The following SEMA7A variants were observed in gnomAD, a reference collection of about 807,000 sequenced individuals.
SEMA7A encodes the protein semaphorin-7A.
In SEMA7A, 21 loss-of-function variants were observed where a neutral mutation model predicts 67.5. The observed-to-expected ratio is 0.31, with a 90% CI of 0.22 to 0.45. The LOEUF is 0.45. Ranked by LOEUF, SEMA7A falls within the 20% of genes least tolerant of loss-of-function variation. The probability of loss-of-function intolerance (pLI) is 1.00; values close to 1 mark genes in which losing one functional copy is unlikely to be tolerated. For synonymous variants in SEMA7A, 364 were observed against 368.5 expected (o/e 0.99, Z 0.14); for missense variants, 774 against 908.6 (o/e 0.85, Z 1.90).
chr15:74,416,851 C>T lies in SEMA7A; in HGVS notation c.662-137G>A, dbSNP rs540302145. On this transcript the variant is annotated intron_variant, in intron 6 of 13. Transcript: ENST00000261918. The stretch of plus-strand genomic sequence containing the variant: ...AGATCTGGAATAGGACTCAGAACAT[C>T]AGGTCCAACTCCCCGAGGGGCCCTA... The T allele has an allele frequency of 4.2e-6, 4 of 945,726 alleles. No homozygotes were observed. The South Asian group carries it at 4.8e-5, about 11-fold the overall frequency. The allele number at this position is 945,726 out of a possible 1,614,324, so 58.6% of individuals were successfully genotyped here. A position where few individuals can be genotyped will look rare whatever the true frequency, so the allele number is the denominator to read the frequency against.
chr15:74,410,913 C>A lies in SEMA7A; in HGVS notation c.1712G>T (p.Arg571Leu), dbSNP rs1398609267. 1 of 1,614,090 alleles carries A rather than the reference C, an allele frequency of 6.2e-7. No individual in the cohort carries two copies. The highest frequency in any genetic ancestry group is 1.1e-5 in the South Asian group (1 of 91,070). The stretch of plus-strand genomic sequence containing the variant: ...GTGGCGCCATGAGTAGGTGGCGTGG[C>A]GGGATTCCATGGGGCAGCTCAGGTA... ...RYYLSCPMES[R>L]HATYSWRHKE... Residue 571 changes from arginine (R) to leucine (L), a missense_variant, in exon 14 of 14, where the codon CGC becomes CTC. By Grantham distance (102) the Arg-to-Leu change is moderately radical. Around this residue, in one of 2 missense-constraint regions of SEMA7A, gnomAD observed 427 missense variants for 555.4 expected, o/e 0.77. Coordinates refer to ENST00000261918, the MANE Select transcript of SEMA7A (RefSeq NM_003612.5). This position sits in a 1 kb window ranked among gnomAD's most constrained non-coding sequence, Gnocchi z 7.5.
intron 1 of SEMA7A, among the ~76,000 whole-genome samples, chr15:74,428,848 C>T (rs1299958033): frequency 1.3e-5 from 2 of 152,178 alleles, no homozygotes; most frequent in Non-Finnish European, 2.9e-5. Flanking sequence ...CCATACCATT[C>T]GGGGCAGAGA....
chr15:74,418,999 G>T, intron 1 of SEMA7A, 47 bp from the exon 2 acceptor site: 2 of 1,593,888 alleles, frequency 1.3e-6, no homozygotes, highest in South Asian at 1.1e-5. Context: ...GGTCCCGAGA[G>T]AGAAGACTCT....
In SEMA7A at chr15:74,416,660, T is replaced by C; in HGVS notation, c.716A>G (p.Lys239Arg). The C allele has an allele frequency of 3.1e-6, 5 of 1,614,096 alleles. No individual in the cohort carries two copies. Among genetic ancestry groups the C allele is most frequent in the Non-Finnish European group, 4.2e-6 (5 of 1,179,974 alleles). ...GTCCTCTCGGAAGAAGTAGTAGATC[T>C]TGTCATCGTAAGCCTGGTCTTGGTG... The part of the protein sequence containing the change: ...IVHQDQAYDD[K>R]IYYFFREDNP... The change falls in exon 7 of 14, where the codon AAG becomes AGG. Residue 239 changes from lysine to arginine, a missense_variant. By Grantham distance (26) the Lys-to-Arg change is conservative. This residue lies in a region of SEMA7A where 347 missense variants were observed against 353.2 expected (regional missense o/e 0.98). Transcript: ENST00000261918.
intron 8 of SEMA7A, among the ~76,000 whole-genome samples, 165 bp downstream of exon 8, chr15:74,415,636 G>A (rs141192912): frequency 3.7e-4 from 56 of 152,134 alleles, no homozygotes; most frequent in African/African-American, 5.1e-4. Context: ...TACATACATC[G>A]CACTGGCTGT....
intron 3 of SEMA7A, 76 bp downstream of exon 3, chr15:74,418,192 C>A: frequency 6.8e-7 from 1 of 1,463,416 alleles, no homozygotes; most frequent in African/African-American, 1.4e-5. Context: ...GGCCATGCTT[C>A]CTTCCTTAGA....
At chr15:74,412,457 G>GA (rs1438208899) in intron 10 of SEMA7A, among the ~76,000 whole-genome samples, 1 of 152,206 alleles carries the variant, frequency 6.6e-6, no homozygotes, top group African/African-American at 2.4e-5. Context: ...GAGCAGCAGA[G>GA]ACCGAGTTGG....
At chr15:74,419,424 A>ACC (rs1215681328) in intron 1 of SEMA7A, among the ~76,000 whole-genome samples, 2 of 151,674 alleles carry the variant, frequency 1.3e-5, no homozygotes, top group South Asian at 2.1e-4. Flanking sequence ...GCCTTCAAGC[A>ACC]CCCCCCTTGG....
At chr15:74,413,129 T>C (rs1902443181) in intron 10 of SEMA7A, among the ~76,000 whole-genome samples, 1 of 151,514 alleles carries the variant, frequency 6.6e-6, no homozygotes, top group Admixed American at 6.6e-5. Flanking sequence ...GATCCTCATC[T>C]GTGGACTCTG....
intron 1 of SEMA7A, among the ~76,000 whole-genome samples, chr15:74,420,852 G>A (rs1379644817): frequency 2.6e-5 from 4 of 152,208 alleles, no homozygotes; most frequent in Non-Finnish European, 4.4e-5. Context: ...TGGCAGCCAG[G>A]AAAAGGTGCG....
intron 10 of SEMA7A, among the ~76,000 whole-genome samples, chr15:74,413,981 C>T (rs1372037227): frequency 6.6e-6 from 1 of 152,192 alleles, no homozygotes; most frequent in African/African-American, 2.4e-5. Flanking sequence ...CACGGCATTC[C>T]ACCCAGCTTC....
intron 8 of SEMA7A, 88 bp downstream of exon 8, chr15:74,415,713 G>C: frequency 2.3e-6 from 3 of 1,319,264 alleles, no homozygotes; most frequent in Non-Finnish European, 1.0e-6. Flanking sequence ...TGCCACACCA[G>C]GGAGGCCCTC....
In SEMA7A at chr15:74,414,356, C is replaced by T. The variant is rs911480310; in HGVS notation, c.1294+191G>A. 1.6e-4 allele frequency among the ~76,000 whole-genome samples: 25 copies of T among 152,212 alleles called. No individual in the cohort carries two copies. Among genetic ancestry groups the T allele is most frequent in the African/African-American group, 6.0e-4 (25 of 41,452 alleles). Reference sequence around the variant, plus strand: ...TTCTCCCATCCCCCTTTCCCTCTTGCCCCTACCTCCTCCAGGAAGCTCTCC... The same window carrying T: ...TTCTCCCATCCCCCTTTCCCTCTTGTCCCTACCTCCTCCAGGAAGCTCTCC... On this transcript the variant is annotated intron_variant, in intron 10 of 13. Coordinates refer to ENST00000261918, the MANE Select transcript of SEMA7A (RefSeq NM_003612.5). This position sits in a 1 kb window ranked among gnomAD's most constrained non-coding sequence, Gnocchi z 4.1.
intron 1 of SEMA7A, among the ~76,000 whole-genome samples, chr15:74,431,444 G>C: frequency 6.6e-6 from 1 of 152,202 alleles, no homozygotes; most frequent in East Asian, 1.9e-4. Context: ...GGGGATCCAA[G>C]CAGCAGAAAA....
At position 74,415,000 on chromosome 15, in the gene SEMA7A, C is replaced by G; in HGVS notation, c.987-54G>C. On this transcript the variant is annotated intron_variant, in intron 8 of 13. Transcript: ENST00000261918. The surrounding 1 kb of genome is among the most constrained non-coding windows in gnomAD (Gnocchi z 4.1). ...GGGGGCCCAGAACCCACCCATCCAC[C>G]TCCACTCACCCAGGCCAGCCTTGTG... is the stretch of plus-strand genomic sequence containing the variant. The G allele has an allele frequency of 6.9e-7, 1 of 1,449,796 alleles. No homozygotes were observed. Among genetic ancestry groups the G allele is most frequent in the Middle Eastern group, 1.8e-4 (1 of 5,410 alleles). 89.8% of individuals were successfully genotyped at this position (1,449,796 alleles called of 1,614,324 possible). A position where few individuals can be genotyped will look rare whatever the true frequency, so the allele number is the denominator to read the frequency against.
At chr15:74,421,607 C>A (rs1435709163) in intron 1 of SEMA7A, among the ~76,000 whole-genome samples, 1 of 152,236 alleles carries the variant, frequency 6.6e-6, no homozygotes, top group Non-Finnish European at 1.5e-5. Flanking sequence ...AGCCCCAGGA[C>A]AAGGCCTTGG....
intron 1 of SEMA7A, among the ~76,000 whole-genome samples, chr15:74,428,418 C>A (rs1019178973): frequency 1.3e-5 from 2 of 152,226 alleles, no homozygotes; most frequent in Admixed American, 6.5e-5. Context: ...CAGTCCCTGT[C>A]ATCTCTGAGC....
Position 74,417,981 on chromosome 15 carries a change from A to G in SEMA7A, c.373-12T>C, listed in dbSNP as rs1329210215. ...TAGTTCTCGCAGTCCTGCCCGGGGAAGAGAGAAGGGAGGAGAGAAATTGGT... is the reference window on the plus strand; with the variant it reads ...TAGTTCTCGCAGTCCTGCCCGGGGAGGAGAGAAGGGAGGAGAGAAATTGGT... On this transcript the variant is annotated splice_polypyrimidine_tract_variant and intron_variant, in intron 3 of 13. Transcript: ENST00000261918. The G allele has an allele frequency of 6.2e-7, 1 of 1,612,210 alleles. No homozygotes were observed. The highest frequency in any genetic ancestry group is 1.7e-5 in the Admixed American group (1 of 60,024).
chr15:74,412,057 G>T (rs1210036337), intron 10 of SEMA7A, 45 bp from the exon 11 acceptor site: 11 of 1,610,472 alleles, frequency 6.8e-6, no homozygotes, highest in African/African-American at 1.3e-5. Context: ...GTCCCACTGA[G>T]GGGCCAGGCA....
Sources: allele counts gnomAD v4.1 joint callset (sites outside exome capture counted in the v4.1 genomes callset), GRCh38; gene constraint gnomAD v4.1.1; regional missense constraint gnomAD v4.1.1; non-coding constraint Gnocchi (gnomAD v3.1); transcripts MANE v1.5; gene names NCBI Gene and HGNC (gene_info 2026-07-23, HGNC 2026-07-21).